Variants in PCDHA9 observed in about 807,000 individuals in gnomAD.
The protein encoded by PCDHA9 is protocadherin alpha 9, also known as protocadherin alpha-9.
A neutral mutation model predicts 62.0 loss-of-function variants in PCDHA9; 62 were observed. The ratio of observed to expected loss-of-function variants is 1.00; its 90% CI spans 0.81 to 1.23. The LOEUF is 1.23. Among genes scored for constraint, PCDHA9 ranks in the 50% most tolerant of loss-of-function variants. The pLI, the probability that PCDHA9 is intolerant of heterozygous loss-of-function variation, is 0.00. For synonymous variants in PCDHA9, 557 were observed against 567.6 expected, an observed-to-expected ratio of 0.98 and a Z score of 0.27; for missense variants, 1,205 against 1,249.8, an observed-to-expected ratio of 0.96 and a Z score of 0.54.
chr5:140,941,492 T>G (rs1446870882), intron 1 of PCDHA9, among the ~76,000 whole-genome samples: 18 of 151,592 alleles, frequency 1.2e-4, no homozygotes, highest in Admixed American at 1.2e-3. Flanking sequence ...ATTTTTTGTA[T>G]TTTTAGTAGA....
chr5:140,946,844 G>A (rs189496185), intron 1 of PCDHA9, among the ~76,000 whole-genome samples: 5 of 151,386 alleles, frequency 3.3e-5, no homozygotes, highest in Non-Finnish European at 5.9e-5. Context: ...CAGTAGTAAG[G>A]AGGAGAGATT....
Position 140,956,847 on chromosome 5 carries a change from T to G in PCDHA9, c.2395-22102T>G, listed in dbSNP as rs138847680. Among the ~76,000 whole-genome samples the G allele has an allele frequency of 1.6e-4, 24 of 152,262 alleles. 1 individual carries two copies. The East Asian group carries it at 4.6e-3, about 29-fold the overall frequency. ...AATTTAATATTTTTAAATCTTGGGT[T>G]AAATGGTTGAATGAATGTGTGAAAA... On this transcript the variant is annotated intron_variant, in intron 1 of 3. Transcript: ENST00000532602.
chr5:140,895,320 T>C (rs561707282), intron 1 of PCDHA9, among the ~76,000 whole-genome samples: 2 of 152,298 alleles, frequency 1.3e-5, no homozygotes, highest in East Asian at 3.9e-4. Flanking sequence ...CCATGACTAT[T>C]GTTCTCAAAT....
At position 140,948,398 on chromosome 5, in the gene PCDHA9, T is replaced by G. The variant is rs147325819; in HGVS notation, c.2395-30551T>G. 6.9e-3 allele frequency among the ~76,000 whole-genome samples: 1,051 copies of G among 151,748 alleles called. 6 individuals carry two copies. The highest frequency in any genetic ancestry group is 0.017 in the Middle Eastern group (5 of 294). Reference sequence around the variant, plus strand: ...CCTTCCTCTATTTTCTGAAAGGTTGTGTAATATTGGTGTTATTTCTTCCTT... The same window carrying G: ...CCTTCCTCTATTTTCTGAAAGGTTGGGTAATATTGGTGTTATTTCTTCCTT... On this transcript the variant is annotated intron_variant, in intron 1 of 3. Transcript: ENST00000532602.
chr5:140,879,578 A>G (rs1298190690), intron 1 of PCDHA9, among the ~76,000 whole-genome samples: 4 of 152,244 alleles, frequency 2.6e-5, no homozygotes, highest in African/African-American at 9.6e-5. Context: ...AATTGCCAAG[A>G]CAGACATTGA....
At chr5:140,966,185 GA>G (rs1378285647) in intron 1 of PCDHA9, 4 of 197,798 alleles carry the variant, frequency 2.0e-5, no homozygotes, top group Non-Finnish European at 4.0e-5. Context: ...CTGATAGCCA[GA>G]CTTCTAGGGG....
intron 1 of PCDHA9, among the ~76,000 whole-genome samples, chr5:140,962,957 C>T (rs915413264): frequency 1.3e-5 from 2 of 152,014 alleles, no homozygotes; most frequent in Non-Finnish European, 2.9e-5. Flanking sequence ...ATGCTCTATC[C>T]CTATATAGGA....
intron 1 of PCDHA9, chr5:140,876,604 G>A: frequency 6.2e-7 from 1 of 1,614,204 alleles, no homozygotes; most frequent in Non-Finnish European, 8.5e-7. Flanking sequence ...GTCGGATCGT[G>A]ACTCTGGAGC....
intron 1 of PCDHA9, among the ~76,000 whole-genome samples, chr5:140,955,810 A>G (rs1171384572): frequency 1.3e-5 from 2 of 152,090 alleles, no homozygotes; most frequent in Non-Finnish European, 2.9e-5. Context: ...GTTTGTGTCC[A>G]CTGTGATTTC....
At chr5:140,971,615 G>C (rs2096488487) in intron 1 of PCDHA9, among the ~76,000 whole-genome samples, 1 of 152,030 alleles carries the variant, frequency 6.6e-6, no homozygotes, top group East Asian at 1.9e-4. Flanking sequence ...GGAGAGTCCT[G>C]GGGTACAATT....
chr5:140,986,355 T>C (rs1381730343), intron 3 of PCDHA9, among the ~76,000 whole-genome samples: 3 of 152,154 alleles, frequency 2.0e-5, no homozygotes, highest in African/African-American at 7.2e-5. Context: ...CTTCTTCAGA[T>C]GGAGGAATGC....
chr5:140,875,818 G>T (rs2055839936), intron 1 of PCDHA9: 1 of 1,614,100 alleles, frequency 6.2e-7, no homozygotes, highest in East Asian at 2.2e-5. Flanking sequence ...GCCGCTGCAG[G>T]TTTTCCATGT....
chr5:140,868,927 A>T, intron 1 of PCDHA9: 3 of 1,057,856 alleles, frequency 2.8e-6, no homozygotes, highest in Non-Finnish European at 4.0e-6. Flanking sequence ...AAGTTCATTT[A>T]AAGGTTGGTC....
At chr5:140,947,299 C>T (rs547529076) in intron 1 of PCDHA9, among the ~76,000 whole-genome samples, 1 of 151,554 alleles carries the variant, frequency 6.6e-6, no homozygotes, top group South Asian at 2.1e-4. Context: ...ATTATCTTGA[C>T]ATCTTTGTAA....
At chr5:140,881,350 T>G (rs1189745119) in intron 1 of PCDHA9, 10 of 985,236 alleles carry the variant, frequency 1.0e-5, no homozygotes, top group Non-Finnish European at 1.2e-5. Context: ...CGGGCTACAA[T>G]GCGTGGCTTT....
At chr5:140,940,566 G>T (rs1226026261) in intron 1 of PCDHA9, among the ~76,000 whole-genome samples, 1 of 151,754 alleles carries the variant, frequency 6.6e-6, no homozygotes, top group African/African-American at 2.4e-5. Flanking sequence ...CTCCTACCTT[G>T]GCTCCCAAAG....
chr5:141,006,357 G>A (rs1296731156), intron 3 of PCDHA9, among the ~76,000 whole-genome samples: 1 of 151,914 alleles, frequency 6.6e-6, no homozygotes, highest in Middle Eastern at 3.4e-3. Context: ...GACTATAGGC[G>A]CCCACCACCA....
intron 1 of PCDHA9, chr5:140,859,594 C>G (rs2045925164): frequency 6.1e-6 from 1 of 164,452 alleles, no homozygotes; most frequent in Non-Finnish European, 1.3e-5. Context: ...TGGCTCTTAG[C>G]AATTACTTTT....
At chr5:140,876,395 T>G in intron 1 of PCDHA9, 1 of 1,613,920 alleles carries the variant, frequency 6.2e-7, no homozygotes, top group Non-Finnish European at 8.5e-7. Flanking sequence ...TATGGTGAAC[T>G]GGATTTTGAA....
Sources: gnomAD v4.1 joint callset for allele counts (sites outside exome capture counted in the v4.1 genomes callset) on GRCh38, gnomAD v4.1.1 for gene constraint, MANE v1.5 for transcripts, NCBI Gene and HGNC (gene_info 2026-07-23, HGNC 2026-07-21) for gene names.